Variants in RPS6KA2 observed in about 807,000 individuals in gnomAD.
The protein encoded by RPS6KA2 is ribosomal protein S6 kinase alpha-2.
A neutral mutation model predicts 91.8 loss-of-function variants in RPS6KA2; 42 were observed. The observed-to-expected ratio is 0.46, with a 90% confidence interval of 0.36 to 0.59. The LOEUF (loss-of-function observed/expected upper bound fraction) is 0.59, where lower values mean the gene tolerates loss of function less well. RPS6KA2 is among the 20% of genes least tolerant of loss of function. The pLI is 0.00. For missense variants in RPS6KA2, 798 were observed against 978.5 expected (o/e 0.82, Z 2.46); for synonymous variants, 414 against 393.6 (o/e 1.05, Z -0.61).
At chr6:166,771,581 A>G (rs1389490110) in intron 2 of RPS6KA2, among the ~76,000 whole-genome samples, 1 of 152,090 alleles carries the variant, frequency 6.6e-6, no homozygotes, top group African/African-American at 2.4e-5. Context: ...CAGGGGCCAC[A>G]TTTCCATTTC....
chr6:166,444,796 G>A (rs982024821), intron 14 of RPS6KA2, among the ~76,000 whole-genome samples: 2 of 152,202 alleles, frequency 1.3e-5, no homozygotes, highest in Non-Finnish European at 2.9e-5. Context: ...TCTAAGCTGG[G>A]CACTGTGTTG....
intron 2 of RPS6KA2, among the ~76,000 whole-genome samples, chr6:166,779,880 C>T (rs547834951): frequency 2.6e-5 from 4 of 152,132 alleles, no homozygotes; most frequent in Admixed American, 6.5e-5. Context: ...TCCCTCAGCT[C>T]GCTAGAGACA....
intron 17 of RPS6KA2, among the ~76,000 whole-genome samples, chr6:166,422,563 T>C (rs1027638082): frequency 6.6e-6 from 1 of 152,212 alleles, no homozygotes; most frequent in Non-Finnish European, 1.5e-5. Context: ...CCTTCCTCTC[T>C]TTACCACTGG....
chr6:166,770,851 A>G lies in RPS6KA2; in HGVS notation c.123+87349T>C. 2 of 1,585,678 alleles carry G rather than the reference A, an allele frequency of 1.3e-6. No homozygotes were observed. Among genetic ancestry groups the G allele is most frequent in the Non-Finnish European group, 1.7e-6 (2 of 1,176,672 alleles). On this transcript the variant is annotated intron_variant, in intron 2 of 21. Coordinates refer to the RPS6KA2 transcript ENST00000503859. The surrounding 1 kb of genome is among the most constrained non-coding windows in gnomAD (Gnocchi z 5.1). ...GCATGGAAAAAAACAAACCCACAGGAACGCTTCTTACCTCTACGGATCCAG... is the reference window on the plus strand; with the variant it reads ...GCATGGAAAAAAACAAACCCACAGGGACGCTTCTTACCTCTACGGATCCAG...
intron 2 of RPS6KA2, among the ~76,000 whole-genome samples, chr6:166,803,135 A>G (rs1307458245): frequency 6.6e-6 from 1 of 152,170 alleles, no homozygotes; most frequent in Non-Finnish European, 1.5e-5. Context: ...CAAAACAGAG[A>G]CTTAGAAATT....
At chr6:166,755,336 C>T (rs1777977553) in intron 2 of RPS6KA2, among the ~76,000 whole-genome samples, 1 of 152,088 alleles carries the variant, frequency 6.6e-6, no homozygotes, top group Non-Finnish European at 1.5e-5. Context: ...TGAAGAGATG[C>T]ATTGGGCCTC....
chr6:166,859,411 A>T (rs1434855919), intron 1 of RPS6KA2, among the ~76,000 whole-genome samples: 1 of 152,212 alleles, frequency 6.6e-6, no homozygotes, highest in Non-Finnish European at 1.5e-5. Context: ...GCTGAAAGCA[A>T]TGATTGAAAA....
chr6:166,766,711 G>A (rs1240881099), intron 2 of RPS6KA2, among the ~76,000 whole-genome samples: 1 of 152,228 alleles, frequency 6.6e-6, no homozygotes, highest in African/African-American at 2.4e-5. Context: ...CTGCTGAAGT[G>A]CAATGCACAG....
At chr6:166,541,507 A>T (rs1179206870) in intron 1 of RPS6KA2, among the ~76,000 whole-genome samples, 1 of 152,178 alleles carries the variant, frequency 6.6e-6, no homozygotes, top group Non-Finnish European at 1.5e-5. Flanking sequence ...TAGGCTCTGA[A>T]GCGAGAGTGA....
In RPS6KA2 at chr6:166,557,372, A is replaced by C. The variant is rs191243868; in HGVS notation, c.100-18588T>G. Among the ~76,000 whole-genome samples the C allele has an allele frequency of 1.3e-5, 2 of 152,324 alleles. No individual in the cohort carries two copies. Among genetic ancestry groups the C allele is most frequent in the African/African-American group, 4.8e-5 (2 of 41,582 alleles). ...TGGCCACCACGTCCCCCACAGACTCAATGGTCAGGTGGCCGGGGTCACTCT... is the reference window on the plus strand; with the variant it reads ...TGGCCACCACGTCCCCCACAGACTCCATGGTCAGGTGGCCGGGGTCACTCT... On this transcript the variant is annotated intron_variant, in intron 1 of 20. Transcript: ENST00000265678. This position sits in a 1 kb window ranked among gnomAD's most constrained non-coding sequence, Gnocchi z 4.8.
chr6:166,728,513 G>A (rs1009401050), intron 2 of RPS6KA2, among the ~76,000 whole-genome samples: 3 of 152,160 alleles, frequency 2.0e-5, no homozygotes, highest in African/African-American at 7.2e-5. Context: ...TCTGAGCCAC[G>A]TTTCTGCAGT....
chr6:166,754,038 C>T (rs751582835), intron 2 of RPS6KA2, among the ~76,000 whole-genome samples: 1 of 152,184 alleles, frequency 6.6e-6, no homozygotes, highest in Non-Finnish European at 1.5e-5. Context: ...CGAGCCCCAG[C>T]CACACAAGAC....
intron 2 of RPS6KA2, among the ~76,000 whole-genome samples, chr6:166,719,108 G>A (rs1187651396): frequency 6.6e-6 from 1 of 152,188 alleles, no homozygotes; most frequent in African/African-American, 2.4e-5. Flanking sequence ...GTCTTTACAG[G>A]GGAAACTGCC....
chr6:166,472,711 C>T (rs748870588), intron 10 of RPS6KA2, among the ~76,000 whole-genome samples: 2 of 152,118 alleles, frequency 1.3e-5, no homozygotes, highest in Non-Finnish European at 2.9e-5. Context: ...GGACAAATGA[C>T]GGTGAGTGGA....
chr6:166,609,762 AG>A (rs1331297496), intron 1 of RPS6KA2, among the ~76,000 whole-genome samples: 3 of 152,180 alleles, frequency 2.0e-5, no homozygotes, highest in African/African-American at 7.2e-5. Context: ...GTCCTCCTAA[AG>A]TGCTGAGATT....
chr6:166,629,645 C>T (rs1787012670), upstream of RPS6KA2, among the ~76,000 whole-genome samples: 1 of 152,180 alleles, frequency 6.6e-6, no homozygotes, highest in Non-Finnish European at 1.5e-5. Context: ...CCAAATTATC[C>T]TTACCAAATA....
chr6:166,647,574 C>T (rs552228480), intron 2 of RPS6KA2, among the ~76,000 whole-genome samples: 2 of 152,352 alleles, frequency 1.3e-5, no homozygotes, highest in South Asian at 4.1e-4. Context: ...TCTACATGCC[C>T]GTTCCACCTC....
intron 12 of RPS6KA2, among the ~76,000 whole-genome samples, chr6:166,451,455 T>A (rs1252628596): frequency 2.0e-5 from 3 of 151,914 alleles, no homozygotes; most frequent in African/African-American, 7.3e-5. Context: ...GTGCTAATGG[T>A]TTGATTTTTA....
At chr6:166,695,281 G>A (rs1048447507) in intron 2 of RPS6KA2, among the ~76,000 whole-genome samples, 11 of 152,136 alleles carry the variant, frequency 7.2e-5, no homozygotes, top group Admixed American at 1.3e-4. Flanking sequence ...AGAGCAGCCC[G>A]CTTGAAGAAT....
Sources: allele counts gnomAD v4.1 joint callset (sites outside exome capture counted in the v4.1 genomes callset), GRCh38; gene constraint gnomAD v4.1.1; non-coding constraint Gnocchi (gnomAD v3.1); transcripts MANE v1.5; gene names NCBI Gene and HGNC (gene_info 2026-07-23, HGNC 2026-07-21).